PDE8B: variants seen among roughly 807,000 people sequenced by gnomAD.
The protein encoded by PDE8B is phosphodiesterase 8B, also known as high affinity cAMP-specific and IBMX-insensitive 3',5'-cyclic phosphodiesterase 8B.
Under a neutral mutation model 101.3 loss-of-function variants are expected in PDE8B, and 26 were observed. The observed-to-expected ratio is 0.26, with a 90% CI of 0.19 to 0.36. The LOEUF (loss-of-function observed/expected upper bound fraction) is 0.36. Among genes scored for constraint, PDE8B ranks in the 10% least tolerant of loss-of-function variants. The probability of loss-of-function intolerance (pLI) is 1.00; values close to 1 mark genes in which losing one functional copy is unlikely to be tolerated. For missense variants in PDE8B, 810 were observed against 1,163.1 expected, an observed-to-expected ratio of 0.70 and a Z score of 4.42; for synonymous variants, 424 against 429.3, an observed-to-expected ratio of 0.99 and a Z score of 0.15.
chr5:77,229,855 G>T (rs1376414089), intron 1 of PDE8B, among the ~76,000 whole-genome samples: 1 of 152,122 alleles, frequency 6.6e-6, no homozygotes, highest in East Asian at 1.9e-4. Context: ...ACGGACATTG[G>T]GTTGTTTTGA....
At chr5:77,414,733 GCTC>G (rs2151121563) in intron 17 of PDE8B, among the ~76,000 whole-genome samples, 1 of 152,010 alleles carries the variant, frequency 6.6e-6, no homozygotes, top group East Asian at 1.9e-4. Context: ...CCCGGCCTAT[GCTC>G]CTTTCTTTTA....
chr5:77,371,669 A>G (rs1442013289), intron 10 of PDE8B, among the ~76,000 whole-genome samples: 1 of 152,232 alleles, frequency 6.6e-6, no homozygotes, highest in Non-Finnish European at 1.5e-5. Context: ...CTGTAGATCA[A>G]TTGGAGAGAA....
At chr5:77,285,826 A>G (rs1290126922) in intron 1 of PDE8B, among the ~76,000 whole-genome samples, 11 of 151,928 alleles carry the variant, frequency 7.2e-5, no homozygotes, top group Admixed American at 7.2e-4. Context: ...GTATTGATGT[A>G]TTCATGTTCA....
At chr5:77,195,345 T>C in the PDE8B span, among the ~76,000 whole-genome samples, 1 of 152,228 alleles carries the variant, frequency 6.6e-6, no homozygotes, top group Non-Finnish European at 1.5e-5. Context: ...AGCATCAATT[T>C]TCCAACACAT....
chr5:77,329,496 G>A (rs997463551), intron 4 of PDE8B, among the ~76,000 whole-genome samples: 2 of 152,172 alleles, frequency 1.3e-5, no homozygotes, highest in African/African-American at 4.8e-5. Context: ...ACAAGACAAG[G>A]GTTGTGAAAT....
chr5:77,285,577 T>C (rs573214898), intron 1 of PDE8B, among the ~76,000 whole-genome samples: 68 of 152,322 alleles, frequency 4.5e-4, no homozygotes, highest in African/African-American at 1.6e-3. Context: ...CTAAACATAG[T>C]TTTCTTTGTA....
chr5:77,155,292 G>A, the PDE8B span, among the ~76,000 whole-genome samples: 11,902 of 152,214 alleles, frequency 0.078, 1,533 homozygotes, highest in African/African-American at 0.27. Context: ...TAAACACTAT[G>A]CAATGCAACA....
intron 11 of PDE8B, 74 bp downstream of exon 11, chr5:77,400,364 G>A: frequency 1.0e-6 from 1 of 990,380 alleles, no homozygotes; most frequent in East Asian, 2.4e-5. Context: ...TTTCTCTGAA[G>A]AAGTCTAAGT....
chr5:77,293,465 A>C (rs1290407845), intron 1 of PDE8B, among the ~76,000 whole-genome samples: 2 of 152,234 alleles, frequency 1.3e-5, no homozygotes, highest in African/African-American at 4.8e-5. Context: ...TTTTCCACCC[A>C]GGAAAACAGC....
At chr5:77,378,006 C>G (rs912858612) in intron 10 of PDE8B, among the ~76,000 whole-genome samples, 3 of 109,944 alleles carry the variant, frequency 2.7e-5, no homozygotes, top group South Asian at 3.5e-4. Flanking sequence ...CTCCCTCTCT[C>G]TCTACACACA....
intron 10 of PDE8B, among the ~76,000 whole-genome samples, chr5:77,369,198 T>C (rs1784645883): frequency 2.1e-5 from 2 of 96,408 alleles, no homozygotes; most frequent in Admixed American, 1.3e-4. Context: ...GCGAGTCCAC[T>C]GTCTCAAAAA....
At chr5:77,200,205 A>G in the PDE8B span, among the ~76,000 whole-genome samples, 1 of 152,098 alleles carries the variant, frequency 6.6e-6, no homozygotes, top group Non-Finnish European at 1.5e-5. Flanking sequence ...AGTTCTCACA[A>G]ATTTATTTGG....
At chr5:77,193,753 T>C in the PDE8B span, among the ~76,000 whole-genome samples, 3 of 152,178 alleles carry the variant, frequency 2.0e-5, no homozygotes, top group Non-Finnish European at 2.9e-5. Flanking sequence ...TAGATCAATT[T>C]AGGGGGAACT....
At chr5:77,403,623 T>G (rs915281198) in intron 11 of PDE8B, among the ~76,000 whole-genome samples, 1 of 152,102 alleles carries the variant, frequency 6.6e-6, no homozygotes, top group African/African-American at 2.4e-5. Context: ...ATATTGAAAC[T>G]TTTATGCATG....
the PDE8B span, among the ~76,000 whole-genome samples, chr5:77,154,103 A>G: frequency 2.6e-5 from 4 of 152,230 alleles, no homozygotes; most frequent in Non-Finnish European, 5.9e-5. Context: ...CCCTTGAGTT[A>G]CAAAACCCTA....
chr5:77,217,646 C>T (rs570120986), intron 1 of PDE8B, among the ~76,000 whole-genome samples: 49 of 152,166 alleles, frequency 3.2e-4, no homozygotes, highest in Non-Finnish European at 6.5e-4. Flanking sequence ...AGCTATCCTC[C>T]TGCCTCAGCC....
chr5:77,419,923 A>C (rs181991155), intron 19 of PDE8B, 36 bp downstream of exon 19: 5 of 1,612,090 alleles, frequency 3.1e-6, no homozygotes, highest in Non-Finnish European at 4.2e-6. Flanking sequence ...GGCACATCCA[A>C]GTACATTTCC....
At chr5:77,143,554 G>GA in the PDE8B span, among the ~76,000 whole-genome samples, 1 of 152,178 alleles carries the variant, frequency 6.6e-6, no homozygotes, top group Non-Finnish European at 1.5e-5. Flanking sequence ...ATGTTATGGA[G>GA]AAATTGGAAA....
intron 1 of PDE8B, among the ~76,000 whole-genome samples, chr5:77,238,782 C>T (rs547060705): frequency 2.0e-5 from 3 of 152,266 alleles, no homozygotes; most frequent in African/African-American, 2.4e-5. Context: ...AATTCTAGTA[C>T]GAGTCCAAAG....
Sources: allele counts gnomAD v4.1 joint callset (sites outside exome capture counted in the v4.1 genomes callset), GRCh38; gene constraint gnomAD v4.1.1; transcripts MANE v1.5; gene names NCBI Gene and HGNC (gene_info 2026-07-23, HGNC 2026-07-21).